Variants in TAF5 observed in about 807,000 individuals in gnomAD.
TAF5 encodes the protein transcription initiation factor TFIID subunit 5.
A neutral mutation model predicts 80.9 loss-of-function variants in TAF5; 20 were observed. The ratio of observed to expected loss-of-function variants is 0.25; its 90% CI spans 0.17 to 0.36. The LOEUF (loss-of-function observed/expected upper bound fraction) is 0.36. Among genes scored for constraint, TAF5 ranks in the 10% least tolerant of loss-of-function variants. The pLI is 1.00. For synonymous variants in TAF5, 388 were observed against 406.4 expected (o/e 0.95, Z 0.55); for missense variants, 863 against 1,029.4 (o/e 0.84, Z 2.21).
chr10:103,369,856 C>T (rs2093355097), intron 1 of TAF5, among the ~76,000 whole-genome samples: 3 of 152,156 alleles, frequency 2.0e-5, no homozygotes, highest in Non-Finnish European at 2.9e-5. Context: ...TAGGCATGGG[C>T]ATTGGACAGA....
rs1410166402 is a variant in TAF5, at chr10:103,388,251, G to A, written c.*28G>A. On this transcript the variant is annotated 3_prime_UTR_variant, in exon 11 of 11. Transcript: ENST00000369839. ...CATCGGTATTAAAGACCTTTTGGAA[G>A]CTACTGTTTTTAAAAAGGGAGACTA... 4 of 1,569,118 alleles carry A rather than the reference G, an allele frequency of 2.5e-6. No homozygotes were observed. Among genetic ancestry groups the A allele is most frequent in the Non-Finnish European group, 3.5e-6 (4 of 1,155,152 alleles).
At chr10:103,380,121 A>G in intron 5 of TAF5, 102 bp downstream of exon 5, 4 of 1,306,362 alleles carry the variant, frequency 3.1e-6, no homozygotes, top group Non-Finnish European at 4.1e-6. Context: ...GAGTTTCGTT[A>G]TTTAAACTCC....
chr10:103,378,238 C>T lies in TAF5; in HGVS notation c.801C>T (p.Phe267=). ...CTTTTTAAAATCACTGAAACAGGTT[C>T]CATGGAGATCAGGAATGTTATTACC... The part of the protein sequence containing the change: ...ENEAKSFFEK[F]HGDQECYYQD... The change falls in exon 3 of 11, where the codon TTC becomes TTT. Residue 267 remains phenylalanine (F), a synonymous_variant. Transcript: ENST00000369839. This position sits in a 1 kb window ranked among gnomAD's most constrained non-coding sequence, Gnocchi z 4.1. The T allele has an allele frequency of 6.2e-7, 1 of 1,611,672 alleles. No homozygotes were observed. The highest frequency in any genetic ancestry group is 1.1e-5 in the South Asian group (1 of 90,842).
At chr10:103,379,478 T>C in intron 3 of TAF5, 130 bp from the exon 4 acceptor site, 1 of 826,618 alleles carries the variant, frequency 1.2e-6, no homozygotes, top group Non-Finnish European at 1.8e-6. Flanking sequence ...GGCTATTGGG[T>C]AGACAAATAC....
intron 1 of TAF5, among the ~76,000 whole-genome samples, chr10:103,371,196 T>C (rs983814433): frequency 1.4e-5 from 2 of 147,912 alleles, no homozygotes; most frequent in Non-Finnish European, 3.0e-5. Flanking sequence ...TGAGCTGAGA[T>C]CAAGCCATTG....
chr10:103,381,491 T>C (rs934475607), intron 5 of TAF5, among the ~76,000 whole-genome samples: 20 of 152,084 alleles, frequency 1.3e-4, no homozygotes, highest in African/African-American at 4.6e-4. Context: ...GGTCTTGAAC[T>C]CCTAACCTCA....
rs201990841 is a variant in TAF5 at position 103,387,164 on chromosome 10, C to T, written c.1830-11C>T. Reference sequence around the variant, plus strand: ...AATTGTCATCTTTTGCTTTCAATAACTTTATAAAAGGCTCTGGGCTACAGA... The same window carrying T: ...AATTGTCATCTTTTGCTTTCAATAATTTTATAAAAGGCTCTGGGCTACAGA... On this transcript the variant is annotated splice_polypyrimidine_tract_variant and intron_variant, in intron 8 of 10. Transcript: ENST00000369839. The T allele has an allele frequency of 9.9e-5, 158 of 1,599,928 alleles. No homozygotes were observed. The highest frequency in any genetic ancestry group is 3.0e-4 in the Admixed American group (17 of 56,932).
intron 6 of TAF5, among the ~76,000 whole-genome samples, chr10:103,382,678 CA>C (rs1407448104): frequency 6.6e-6 from 1 of 150,588 alleles, no homozygotes; most frequent in East Asian, 1.9e-4. Flanking sequence ...GATGGGGTCT[CA>C]CTCTGTTGCC....
chr10:103,368,453 C>A lies in TAF5; in HGVS notation c.464C>A (p.Ala155Asp), dbSNP rs1226366834. 1 of 1,583,202 alleles carries A rather than the reference C, an allele frequency of 6.3e-7. No homozygotes were observed. Among genetic ancestry groups the A allele is most frequent in the Non-Finnish European group, 8.5e-7 (1 of 1,174,100 alleles). ...CTTCTCAGCCGGGTGACCGCCTCGGCCCCTGGCCCTGCGGCCCCCGACCCT... is the reference window on the plus strand; with the variant it reads ...CTTCTCAGCCGGGTGACCGCCTCGGACCCTGGCCCTGCGGCCCCCGACCCT... ...SALLSRVTAS[A>D]PGPAAPDPPG... Residue 155 changes from alanine (A) to aspartate (D), a missense_variant, in exon 1 of 11, where the codon GCC becomes GAC. Physicochemically the swap from Ala to Asp is moderately radical, Grantham distance 126. This residue lies in a region of TAF5 where 367 missense variants were observed against 335.5 expected (regional missense o/e 1.09). Transcript: ENST00000369839.
Position 103,373,650 on chromosome 10 carries a change from C to T in TAF5, c.797+55C>T, listed in dbSNP as rs947076462. ...CACACATACGTAGTGTGTGTGTGTG[C>T]GTGCATATGTTTTCACATCTGTAAC... On this transcript the variant is annotated intron_variant, in intron 2 of 10. Transcript: ENST00000369839. The T allele has an allele frequency of 6.4e-5, 80 of 1,241,342 alleles. No homozygotes were observed. In the South Asian group the frequency reaches 7.5e-4, roughly 12 times the overall value. The allele number at this position is 1,241,342 out of a possible 1,614,324, so 76.9% of individuals were successfully genotyped here.
intron 10 of TAF5, 25 bp downstream of exon 10, chr10:103,387,723 G>A (rs369756483): frequency 1.2e-5 from 19 of 1,594,590 alleles, no homozygotes; most frequent in African/African-American, 4.0e-5. Context: ...ATGGCTTTAC[G>A]ATAAATGCTA....
chr10:103,379,580 T>G (rs368772038), intron 3 of TAF5, 28 bp from the exon 4 acceptor site: 3 of 1,539,426 alleles, frequency 1.9e-6, no homozygotes, highest in Non-Finnish European at 2.6e-6. Context: ...TAAATAATTT[T>G]AAAAATGTTG....
At chr10:103,377,814 T>A (rs774432955) in intron 2 of TAF5, among the ~76,000 whole-genome samples, 1 of 152,178 alleles carries the variant, frequency 6.6e-6, no homozygotes, top group Non-Finnish European at 1.5e-5. Context: ...TACTCTTTTT[T>A]ATGCCTTTGA....
At chr10:103,373,041 G>A (rs2093363149) in intron 1 of TAF5, among the ~76,000 whole-genome samples, 1 of 150,722 alleles carries the variant, frequency 6.6e-6, no homozygotes, top group South Asian at 2.1e-4. Context: ...TGTCTCTACT[G>A]AAAATATGAA....
chr10:103,373,422 A>G lies in TAF5; in HGVS notation c.624A>G (p.Gln208=). The G allele has an allele frequency of 6.2e-7, 1 of 1,614,172 alleles. No homozygotes were observed. Among genetic ancestry groups the G allele is most frequent in the Non-Finnish European group, 8.5e-7 (1 of 1,180,024 alleles). ...VSAVLSAYNQ[Q]GDPTMYEEYY... ...CCGTGTTGTCAGCCTACAACCAACA[A>G]GGAGATCCCACAATGTATGAAGAAT... Residue 208 remains glutamine (Q), a synonymous_variant, in exon 2 of 11, where the codon CAA becomes CAG. Transcript: ENST00000369839.
chr10:103,368,373 G>A lies in TAF5; in HGVS notation c.384G>A (p.Ala128=), dbSNP rs746812997. 17 of 1,563,348 alleles carry A rather than the reference G, an allele frequency of 1.1e-5. No homozygotes were observed. Among genetic ancestry groups the A allele is most frequent in the African/African-American group, 1.3e-5 (1 of 74,182 alleles). Residue 128 remains alanine (A), a synonymous_variant, in exon 1 of 11, where the codon GCG becomes GCA. Coordinates refer to ENST00000369839, the MANE Select transcript of TAF5 (RefSeq NM_006951.5). ...CCGGGCTGCTGGAGGAGGCAGTGGC[G>A]GGCTCCGGAGCCCCGGGAGAGGTGG... ...REAGLLEEAV[A]GSGAPGEVDS...
intron 10 of TAF5, 67 bp from the exon 11 acceptor site, chr10:103,387,939 A>G (rs1399580986): frequency 1.8e-5 from 25 of 1,417,832 alleles, no homozygotes; most frequent in Non-Finnish European, 2.5e-5. Context: ...TACATAGTGT[A>G]GTGGACAAAA....
Position 103,388,520 on chromosome 10 carries a change from T to C in TAF5, c.*297T>C, listed in dbSNP as rs1439152407. 4.8e-6 allele frequency: 1 copy of C among 209,940 alleles called. No homozygotes were observed. The highest frequency in any genetic ancestry group is 2.3e-5 in the African/African-American group (1 of 43,272). 13.0% of individuals were successfully genotyped at this position (209,940 alleles called of 1,614,324 possible). ...CAAATGCTATTTTAATTTATTACAT[T>C]TAGAAAAAAAGTTGATTTCAATAAT... On this transcript the variant is annotated 3_prime_UTR_variant, in exon 11 of 11. Transcript: ENST00000369839.
At chr10:103,371,250 A>C (rs2133622799) in intron 1 of TAF5, among the ~76,000 whole-genome samples, 1 of 152,208 alleles carries the variant, frequency 6.6e-6, no homozygotes, top group Non-Finnish European at 1.5e-5. Flanking sequence ...CTTTACAAAA[A>C]AAAAAAAAAA....
Sources: allele counts gnomAD v4.1 joint callset (sites outside exome capture counted in the v4.1 genomes callset), GRCh38; gene constraint gnomAD v4.1.1; regional missense constraint gnomAD v4.1.1; non-coding constraint Gnocchi (gnomAD v3.1); transcripts MANE v1.5; gene names NCBI Gene and HGNC (gene_info 2026-07-23, HGNC 2026-07-21).